The following COX7A2L variants were observed in gnomAD, a reference collection of about 807,000 sequenced individuals.
The protein encoded by COX7A2L is cytochrome c oxidase subunit 7A2 like, also known as cytochrome c oxidase subunit 7A2-like, mitochondrial.
Under a neutral mutation model 14.2 loss-of-function variants are expected in COX7A2L, and 18 were observed. The observed-to-expected ratio is 1.27, with a 90% CI of 0.88 to 1.88. The LOEUF is 1.88. Among genes scored for constraint, COX7A2L ranks in the 40% most tolerant of loss-of-function variants. The pLI, the probability that COX7A2L is intolerant of heterozygous loss-of-function variation, is 0.00. For synonymous variants in COX7A2L, 65 were observed against 57.4 expected (o/e 1.13, Z -0.60); for missense variants, 179 against 138.8 (o/e 1.29, Z -1.46).
At chr2:42,361,352 G>C (rs1671044972), upstream of COX7A2L, 1 of 567,038 alleles carries the variant, frequency 1.8e-6, no homozygotes, top group Admixed American at 3.4e-5. Flanking sequence ...GGGTTCTCAG[G>C]ACCACGAAAG....
chr2:42,349,275 T>TAA (rs1334749509), downstream of COX7A2L: 7 of 152,142 alleles, frequency 4.6e-5, no homozygotes, highest in Non-Finnish European at 8.8e-5. Context: ...ATTCAGATAA[T>TAA]AGAGTATCGA....
At chr2:42,358,678 G>A (rs1304792647) in intron 1 of COX7A2L, among the ~76,000 whole-genome samples, 1 of 152,152 alleles carries the variant, frequency 6.6e-6, no homozygotes, top group Non-Finnish European at 1.5e-5. Context: ...CACGATTCAC[G>A]AGGAGAGGTA....
chr2:42,346,148 C>A (rs1670494034), downstream of COX7A2L, among the ~76,000 whole-genome samples: 1 of 152,160 alleles, frequency 6.6e-6, no homozygotes, highest in Non-Finnish European at 1.5e-5. Flanking sequence ...CCAAATGGGA[C>A]AATAACATTC....
chr2:42,363,376 TC>T (rs1354595674), upstream of COX7A2L, among the ~76,000 whole-genome samples: 3 of 152,354 alleles, frequency 2.0e-5, no homozygotes, highest in East Asian at 5.8e-4. Context: ...ACTGTCTCCA[TC>T]CCACTGACTT....
At chr2:42,365,234 T>C (rs1239281420), upstream of COX7A2L, among the ~76,000 whole-genome samples, 3 of 152,202 alleles carry the variant, frequency 2.0e-5, no homozygotes, top group Non-Finnish European at 2.9e-5. Flanking sequence ...TGGTTTCTCA[T>C]CATTGAGGAT....
rs573737613 is a variant in COX7A2L at position 42,336,267 on chromosome 2, G to A, written c.193-2398C>T. 2.6e-5 allele frequency among the ~76,000 whole-genome samples: 4 copies of A among 152,264 alleles called. No individual in the cohort carries two copies. In the East Asian group the frequency reaches 7.7e-4, roughly 29 times the overall value. On this transcript the variant is annotated intron_variant, in intron 2 of 2. Transcript: ENST00000468711. Reference sequence around the variant, plus strand: ...TTCTCCCTGTTAGCAATATAATCCTGTAGTCCTGAAAATAGATTTTCCTGA... The same window carrying A: ...TTCTCCCTGTTAGCAATATAATCCTATAGTCCTGAAAATAGATTTTCCTGA...
chr2:42,339,855 C>A lies in COX7A2L; in HGVS notation c.193-5986G>T, dbSNP rs1670367196. ...GGTTTTAGCTTTTACATGAATGGAA[C>A]CCCAAGTGTGCTCTCTGTCGTGTCC... On this transcript the variant is annotated intron_variant, in intron 2 of 2. Transcript: ENST00000468711. This position sits in a 1 kb window ranked among gnomAD's most constrained non-coding sequence, Gnocchi z 5.4. Among the ~76,000 whole-genome samples the A allele has an allele frequency of 6.6e-6, 1 of 152,096 alleles. No homozygotes were observed. The highest frequency in any genetic ancestry group is 2.4e-5 in the African/African-American group (1 of 41,394).
chr2:42,341,642 A>G (rs1670405978), intron 2 of COX7A2L, among the ~76,000 whole-genome samples: 1 of 152,202 alleles, frequency 6.6e-6, no homozygotes, highest in South Asian at 2.1e-4. Flanking sequence ...CCAAATGACA[A>G]TTTGCTCAAG....
At chr2:42,360,510 G>A (rs900825053) in intron 1 of COX7A2L, among the ~76,000 whole-genome samples, 1 of 152,132 alleles carries the variant, frequency 6.6e-6, no homozygotes, top group Non-Finnish European at 1.5e-5. Context: ...CAAACAACGA[G>A]CATCTGTCAA....
At position 42,350,663 on chromosome 2, in the gene COX7A2L, T is replaced by TAAATACACAC. The variant is rs4181; in HGVS notation, c.*555_*556insGTGTGTATTT. On this transcript the variant is annotated 3_prime_UTR_variant, in exon 3 of 3. Transcript: ENST00000234301. ...GGTATTCTCTGTTCCCACGGTGGAA[T>TAAATACACAC]AATTACACATAAGATTTCACTAAAG... 92,301 of 151,544 alleles carry TAAATACACAC rather than the reference T, an allele frequency of 0.61. 28,678 individuals carry two copies. Among genetic ancestry groups the TAAATACACAC allele is most frequent in the East Asian group, 0.74 (3,798 of 5,120 alleles). The allele number at this position is 151,544 out of a possible 1,614,324, so 9.4% of individuals were successfully genotyped here. A position where few individuals can be genotyped will look rare whatever the true frequency, so the allele number is the denominator to read the frequency against.
chr2:42,361,171 A>T lies in COX7A2L; in HGVS notation c.-10T>A, dbSNP rs768755431. The T allele has an allele frequency of 6.2e-7, 1 of 1,605,620 alleles. No individual in the cohort carries two copies. The highest frequency in any genetic ancestry group is 8.5e-7 in the Non-Finnish European group (1 of 1,174,734). Reference sequence around the variant, plus strand: ...TAAACTTGTAGTACATGACGCCCAGAGTCCGGCTTCCCGCATCCGCTGCCA... The same window carrying T: ...TAAACTTGTAGTACATGACGCCCAGTGTCCGGCTTCCCGCATCCGCTGCCA... On this transcript the variant is annotated 5_prime_UTR_variant, in exon 1 of 3. Coordinates refer to ENST00000234301, the MANE Select transcript of COX7A2L (RefSeq NM_004718.4).
At chr2:42,368,891 G>C (rs888372645) in exon 1 of COX7A2L, 1 of 152,170 alleles carries the variant, frequency 6.6e-6, no homozygotes. Flanking sequence ...ACTCCAGTTA[G>C]TGCCCCAGGC....
upstream of COX7A2L, among the ~76,000 whole-genome samples, chr2:42,364,212 C>T (rs1326870092): frequency 7.1e-6 from 1 of 140,694 alleles, no homozygotes; most frequent in East Asian, 2.2e-4. Context: ...GATCGCGCCA[C>T]TGCACTCCAG....
At chr2:42,348,874 CG>C (rs1670552894), downstream of COX7A2L, among the ~76,000 whole-genome samples, 1 of 152,008 alleles carries the variant, frequency 6.6e-6, no homozygotes, top group Non-Finnish European at 1.5e-5. Flanking sequence ...GCCAAGATCA[CG>C]TCACTGCTCT....
rs1670323375 is a variant in COX7A2L at position 42,338,164 on chromosome 2, T to A, written c.193-4295A>T. ...CTACTCCCCATGCTCCTGGCCCACATGCAAGGCAGAGACAGCCGTTCCGTG... is the reference window on the plus strand; with the variant it reads ...CTACTCCCCATGCTCCTGGCCCACAAGCAAGGCAGAGACAGCCGTTCCGTG... On this transcript the variant is annotated intron_variant, in intron 2 of 2. Coordinates refer to the COX7A2L transcript ENST00000468711. This position sits in a 1 kb window ranked among gnomAD's most constrained non-coding sequence, Gnocchi z 4.4. Among the ~76,000 whole-genome samples, 1 of 152,150 alleles carries A rather than the reference T, an allele frequency of 6.6e-6. No individual in the cohort carries two copies. The highest frequency in any genetic ancestry group is 2.4e-5 in the African/African-American group (1 of 41,438).
At chr2:42,346,318 T>A (rs1362233620), downstream of COX7A2L, among the ~76,000 whole-genome samples, 1 of 152,168 alleles carries the variant, frequency 6.6e-6, no homozygotes, top group Non-Finnish European at 1.5e-5. Flanking sequence ...TCGAAGGCAG[T>A]CCTTGTGAGG....
Position 42,353,263 on chromosome 2 carries a change from C to T in COX7A2L, c.153G>A (p.Val51=). 6.2e-7 allele frequency: 1 copy of T among 1,614,142 alleles called. No homozygotes were observed. Among genetic ancestry groups the T allele is most frequent in the Non-Finnish European group, 8.5e-7 (1 of 1,180,022 alleles). ...TPTKLTSDST[V]YDYAGKNKVP... ...CTTTGTTTTTCCCAGCATAATCATA[C>T]ACTGTGGAATCGGAGGTCAGTTTAG... Residue 51 remains valine (V), a synonymous_variant, in exon 2 of 3, where the codon GTG becomes GTA. Transcript: ENST00000234301.
intron 1 of COX7A2L, 58 bp from the exon 2 acceptor site, chr2:42,353,401 A>T: frequency 6.3e-7 from 1 of 1,596,086 alleles, no homozygotes; most frequent in African/African-American, 1.4e-5. Context: ...GGCTGTCTGG[A>T]ATAGTGGAGG....
In COX7A2L at chr2:42,338,624, G is replaced by A. The variant is rs1418326428; in HGVS notation, c.193-4755C>T. ...ATAGGACTCAGCCCCCACCAAGACC[G>A]TAGAGCCTTAGTGTGATTCAACTCC... On this transcript the variant is annotated intron_variant, in intron 2 of 2. Coordinates refer to the COX7A2L transcript ENST00000468711. The surrounding 1 kb of genome is among the most constrained non-coding windows in gnomAD (Gnocchi z 4.4). Among the ~76,000 whole-genome samples, 5 of 152,150 alleles carry A rather than the reference G, an allele frequency of 3.3e-5. No individual in the cohort carries two copies. The highest frequency in any genetic ancestry group is 7.3e-5 in the Non-Finnish European group (5 of 68,030).
Sources: allele counts gnomAD v4.1 joint callset (sites outside exome capture counted in the v4.1 genomes callset), GRCh38; gene constraint gnomAD v4.1.1; non-coding constraint Gnocchi (gnomAD v3.1); transcripts MANE v1.5; gene names NCBI Gene and HGNC (gene_info 2026-07-23, HGNC 2026-07-21).